The following HADHA variants were observed in gnomAD, a reference collection of about 807,000 sequenced individuals.
The protein encoded by HADHA is hydroxyacyl-CoA dehydrogenase trifunctional multienzyme complex subunit alpha, also known as trifunctional enzyme subunit alpha, mitochondrial.
A neutral mutation model predicts 91.3 loss-of-function variants in HADHA; 59 were observed. The ratio of observed to expected loss-of-function variants is 0.65; its 90% CI spans 0.52 to 0.80. The LOEUF is 0.80. Ranked by LOEUF, HADHA falls within the 30% of genes least tolerant of loss-of-function variation. The pLI is 0.00. For missense variants in HADHA, 800 were observed against 927.6 expected (o/e 0.86, Z 1.79); for synonymous variants, 320 against 338.9 (o/e 0.94, Z 0.61).
chr2:26,191,404 A>G lies in HADHA; in HGVS notation c.2147-9T>C. 1 of 1,614,162 alleles carries G rather than the reference A, an allele frequency of 6.2e-7. No homozygotes were observed. The highest frequency in any genetic ancestry group is 8.5e-7 in the Non-Finnish European group (1 of 1,180,024). On this transcript the variant is annotated splice_polypyrimidine_tract_variant and intron_variant, in intron 19 of 19. Transcript: ENST00000380649. ...CACAAAGCGGAAAGGCCCTGAATAG[A>G]GAAAGAGGACTTCGTTGAAGGAGAC...
At chr2:26,232,067 T>A in intron 6 of HADHA, 93 bp downstream of exon 6, 1 of 924,310 alleles carries the variant, frequency 1.1e-6, no homozygotes, top group South Asian at 1.3e-5. Flanking sequence ...TTTGGTTTTT[T>A]AATTCTACAA....
At position 26,197,698 on chromosome 2, in the gene HADHA, G is replaced by A; in HGVS notation, c.1472C>T (p.Pro491Leu). The change falls in exon 14 of 20, where the codon CCT (proline) becomes CTT (leucine). Residue 491 changes from proline to leucine, a missense_variant. Physicochemically the swap from Pro to Leu is moderately conservative, Grantham distance 98. Coordinates refer to ENST00000380649, the MANE Select transcript of HADHA (RefSeq NM_000182.5). ...ISEIAAVSKR[P>L]EKVIGMHYFS... Reference sequence around the variant, plus strand: ...TCTCTGTTCCGAGTTTACCTTCTCAGGTCTTTTGCTGACAGCAGCGATTTC... The same window carrying A: ...TCTCTGTTCCGAGTTTACCTTCTCAAGTCTTTTGCTGACAGCAGCGATTTC... 1 of 1,415,554 alleles carries A rather than the reference G, an allele frequency of 7.1e-7. No individual in the cohort carries two copies. Among genetic ancestry groups the A allele is most frequent in the Non-Finnish European group, 1.0e-6 (1 of 998,336 alleles). The allele number at this position is 1,415,554 out of a possible 1,614,324, so 87.7% of individuals were successfully genotyped here. A position where few individuals can be genotyped will look rare whatever the true frequency, so the allele number is the denominator to read the frequency against.
At chr2:26,206,586 G>A (rs1669977121) in intron 11 of HADHA, among the ~76,000 whole-genome samples, 1 of 152,158 alleles carries the variant, frequency 6.6e-6, no homozygotes, top group South Asian at 2.1e-4. Context: ...ATGGTTCACG[G>A]AAGTATACTT....
chr2:26,237,485 G>A (rs1213506557), intron 3 of HADHA, among the ~76,000 whole-genome samples: 2 of 152,076 alleles, frequency 1.3e-5, no homozygotes, highest in East Asian at 3.9e-4. Flanking sequence ...AAATTAGCCG[G>A]GCCTGACAGC....
chr2:26,203,030 A>C (rs1669885186), intron 12 of HADHA, among the ~76,000 whole-genome samples: 1 of 152,198 alleles, frequency 6.6e-6, no homozygotes, highest in African/African-American at 2.4e-5. Context: ...TAGAGCAACA[A>C]TTTCTTACTT....
intron 11 of HADHA, among the ~76,000 whole-genome samples, chr2:26,206,504 C>T (rs1360108575): frequency 1.3e-5 from 2 of 152,284 alleles, no homozygotes; most frequent in African/African-American, 4.8e-5. Context: ...GCTGGGATTA[C>T]AGGCGTAAGC....
intron 11 of HADHA, among the ~76,000 whole-genome samples, chr2:26,209,509 G>A (rs1170691705): frequency 1.3e-5 from 2 of 152,150 alleles, no homozygotes; most frequent in Non-Finnish European, 2.9e-5. Flanking sequence ...GTTTGGGAAG[G>A]GGGACCTAAA....
Position 26,190,949 on chromosome 2 carries a change from C to T in HADHA, c.*301G>A, listed in dbSNP as rs1669477793. 1.9e-6 allele frequency: 1 copy of T among 515,744 alleles called. No individual in the cohort carries two copies. Among genetic ancestry groups the T allele is most frequent in the Non-Finnish European group, 3.5e-6 (1 of 284,046 alleles). 31.9% of individuals were successfully genotyped at this position (515,744 alleles called of 1,614,324 possible). A position where few individuals can be genotyped will look rare whatever the true frequency, so the allele number is the denominator to read the frequency against. ...CCTCACCACCCCTGGCCACCCTGGC[C>T]TCTTGGGAGGAACAGGCAGAGAGGT... On this transcript the variant is annotated 3_prime_UTR_variant, in exon 20 of 20. Coordinates refer to ENST00000380649, the MANE Select transcript of HADHA (RefSeq NM_000182.5).
chr2:26,233,020 C>T (rs1315640984), intron 5 of HADHA, among the ~76,000 whole-genome samples: 2 of 152,180 alleles, frequency 1.3e-5, no homozygotes, highest in Non-Finnish European at 2.9e-5. Context: ...TTCAAATCAT[C>T]AGGCAATAGA....
At chr2:26,236,380 CTG>C (rs201544302) in intron 4 of HADHA, among the ~76,000 whole-genome samples, 7,945 of 110,962 alleles carry the variant, frequency 0.072, 346 homozygotes, top group African/African-American at 0.1. Context: ...TATATATACT[CTG>C]TGTGTGTGTG....
At position 26,214,415 on chromosome 2, in the gene HADHA, A is replaced by T. The variant is rs545063930; in HGVS notation, c.918+28T>A. On this transcript the variant is annotated intron_variant, in intron 9 of 19. Transcript: ENST00000380649. This position sits in a 1 kb window ranked among gnomAD's most constrained non-coding sequence, Gnocchi z 4.1. ...TCTATATAAAGGAAGGAAATATGAG[A>T]AAAGTGGGAATATTGGGTAAGACTC... The T allele has an allele frequency of 9.7e-7, 1 of 1,033,194 alleles. No homozygotes were observed. The highest frequency in any genetic ancestry group is 1.6e-5 in the African/African-American group (1 of 64,068). The allele number at this position is 1,033,194 out of a possible 1,614,324, so 64.0% of individuals were successfully genotyped here.
In HADHA at chr2:26,229,348, G is replaced by GCGCA. The variant is rs1553315305; in HGVS notation, c.676+843_676+844insTGCG. On this transcript the variant is annotated intron_variant, in intron 7 of 19. Transcript: ENST00000380649. This position sits in a 1 kb window ranked among gnomAD's most constrained non-coding sequence, Gnocchi z 4.3. ...GTGAGACCCCAACATGTGTGCGCGC[G>GCGCA]CACACACACACACACACACACACAC... Among the ~76,000 whole-genome samples, 1,055 of 147,620 alleles carry GCGCA rather than the reference G, an allele frequency of 7.1e-3. 19 individuals are homozygous for GCGCA. Among genetic ancestry groups the GCGCA allele is most frequent in the African/African-American group, 0.023 (910 of 39,654 alleles).
In HADHA at chr2:26,236,203, T is replaced by C. The variant is rs184976158; in HGVS notation, c.314+652A>G. Among the ~76,000 whole-genome samples, 42 of 152,264 alleles carry C rather than the reference T, an allele frequency of 2.8e-4. No homozygotes were observed. The East Asian group carries it at 7.7e-3, about 28-fold the overall frequency. On this transcript the variant is annotated intron_variant, in intron 4 of 19. Coordinates refer to ENST00000380649, the MANE Select transcript of HADHA (RefSeq NM_000182.5). ...TTGTAGTATTCTATTGTGTGAATAG[T>C]CCACATTTTACTTACCCATTTTCCT... is the stretch of plus-strand genomic sequence containing the variant.
intron 11 of HADHA, 121 bp downstream of exon 11, chr2:26,209,659 G>A: frequency 1.4e-6 from 1 of 738,844 alleles, no homozygotes; most frequent in Non-Finnish European, 2.5e-6. Flanking sequence ...ATGTGCTCAG[G>A]AAAGAAGTTG....
At chr2:26,235,801 T>C (rs1670733536) in intron 4 of HADHA, among the ~76,000 whole-genome samples, 3 of 152,250 alleles carry the variant, frequency 2.0e-5, no homozygotes, top group Non-Finnish European at 4.4e-5. Context: ...CCTATTAAAC[T>C]GACACTAAAA....
In HADHA at chr2:26,191,476, G is replaced by A; in HGVS notation, c.2146+7C>T. On this transcript the variant is annotated splice_region_variant and intron_variant, in intron 19 of 19. Transcript: ENST00000380649. Reference sequence around the variant, plus strand: ...AGTGAGCTTCCTTCCCAACCTGCGAGACCAACCTCCCAGACAAGGCGGGAA... The same window carrying A: ...AGTGAGCTTCCTTCCCAACCTGCGAAACCAACCTCCCAGACAAGGCGGGAA... 1 of 1,614,142 alleles carries A rather than the reference G, an allele frequency of 6.2e-7. No individual in the cohort carries two copies. The highest frequency in any genetic ancestry group is 8.5e-7 in the Non-Finnish European group (1 of 1,180,028).
chr2:26,215,184 A>G lies in HADHA; in HGVS notation c.677-9T>C, dbSNP rs2147770005. ...AGGTTTTAGTCCTGGTCCTATAAAA[A>G]TGAATGCAACACTGGAATGCAAATC... is the stretch of plus-strand genomic sequence containing the variant. On this transcript the variant is annotated splice_polypyrimidine_tract_variant and intron_variant, in intron 7 of 19. Transcript: ENST00000380649. The G allele has an allele frequency of 6.2e-7, 1 of 1,612,894 alleles. No homozygotes were observed. The highest frequency in any genetic ancestry group is 1.3e-5 in the African/African-American group (1 of 75,014).
intron 9 of HADHA, among the ~76,000 whole-genome samples, chr2:26,213,395 G>A (rs988759864): frequency 1.4e-4 from 21 of 152,024 alleles, no homozygotes; most frequent in African/African-American, 4.8e-4. Flanking sequence ...AATCTTTATC[G>A]GACAAAGGTA....
At chr2:26,191,811 C>T (rs1207063888) in intron 18 of HADHA, among the ~76,000 whole-genome samples, 183 bp from the exon 19 acceptor site, 2 of 152,188 alleles carry the variant, frequency 1.3e-5, no homozygotes, top group Admixed American at 1.3e-4. Context: ...TGGAGAGTAA[C>T]TTGCCCTAAT....
Sources: gnomAD v4.1 joint callset for allele counts (sites outside exome capture counted in the v4.1 genomes callset) on GRCh38, gnomAD v4.1.1 for gene constraint, Gnocchi (gnomAD v3.1) non-coding constraint, MANE v1.5 for transcripts, NCBI Gene and HGNC (gene_info 2026-07-23, HGNC 2026-07-21) for gene names.